The following NFIA variants were observed in gnomAD, a reference collection of about 807,000 sequenced individuals.
NFIA encodes nuclear factor 1 A-type.
NFIA carries 8 observed loss-of-function variants against 62.8 expected under a neutral mutation model. The ratio of observed to expected loss-of-function variants is 0.13; its 90% CI spans 0.07 to 0.23. The LOEUF is 0.23. NFIA is among the 10% of genes least tolerant of loss of function. NFIA has a pLI of 1.00. For missense variants in NFIA, 410 were observed against 642.1 expected, an observed-to-expected ratio of 0.64 and a Z score of 3.91; for synonymous variants, 235 against 238.1, an observed-to-expected ratio of 0.99 and a Z score of 0.12.
intron 9 of NFIA, among the ~76,000 whole-genome samples, chr1:61,414,742 GAAAA>G (rs1043218718): frequency 6.6e-6 from 1 of 151,476 alleles, no homozygotes; most frequent in South Asian, 2.1e-4. Flanking sequence ...AAGAAAGAAT[GAAAA>G]AAAAGGAGTT....
chr1:61,275,676 G>T lies in NFIA; in HGVS notation c.560-1844G>T, dbSNP rs142180431. Among the ~76,000 whole-genome samples the T allele has an allele frequency of 1.6e-4, 25 of 152,170 alleles. No individual in the cohort carries two copies. In the South Asian group the frequency reaches 5.0e-3, roughly 30 times the overall value. ...TTTAATTTTCCCTAAAACAAAATTA[G>T]ATATTTTGCTTTCATTTTAGTTATA... is the stretch of plus-strand genomic sequence containing the variant. On this transcript the variant is annotated intron_variant, in intron 2 of 10. Transcript: ENST00000403491.
intron 5 of NFIA, among the ~76,000 whole-genome samples, chr1:61,358,379 C>CTTTCTTTCTTTT (rs71582639): frequency 3.8e-5 from 2 of 52,616 alleles, no homozygotes; most frequent in African/African-American, 1.7e-4. Context: ...TTCTTTCTTT[C>CTTTCTTTCTTTT]TTTTTTTTTT....
chr1:61,197,653 A>T (rs1652123559), intron 2 of NFIA, among the ~76,000 whole-genome samples: 2 of 152,082 alleles, frequency 1.3e-5, no homozygotes, highest in South Asian at 2.1e-4. Flanking sequence ...CCTTGTTATT[A>T]TTCAAGTTAC....
intron 2 of NFIA, among the ~76,000 whole-genome samples, chr1:61,121,067 A>G (rs1646879188): frequency 6.6e-6 from 1 of 152,212 alleles, no homozygotes; most frequent in African/African-American, 2.4e-5. Flanking sequence ...TTAGGAAATC[A>G]AATTTAAAGC....
chr1:61,358,722 G>T (rs1244809900), intron 5 of NFIA, among the ~76,000 whole-genome samples: 2 of 152,088 alleles, frequency 1.3e-5, no homozygotes, highest in Non-Finnish European at 2.9e-5. Context: ...CACGAGCCCT[G>T]CTTTTTATCC....
chr1:61,449,625 G>A (rs921271550), intron 10 of NFIA, among the ~76,000 whole-genome samples: 1 of 152,204 alleles, frequency 6.6e-6, no homozygotes, highest in African/African-American at 2.4e-5. Flanking sequence ...TCCGGAAGAA[G>A]TTTAAGGCAA....
chr1:61,077,355 A>C (rs1454551194), upstream of NFIA: 1 of 360,506 alleles, frequency 2.8e-6, no homozygotes, highest in African/African-American at 2.1e-5. Context: ...CAAAAGAGAG[A>C]GTGAGAGCGA....
At chr1:61,380,648 A>C (rs1664369382) in intron 6 of NFIA, among the ~76,000 whole-genome samples, 1 of 152,174 alleles carries the variant, frequency 6.6e-6, no homozygotes, top group Non-Finnish European at 1.5e-5. Flanking sequence ...AAAATATTAA[A>C]GTATATAATA....
intron 3 of NFIA, among the ~76,000 whole-genome samples, chr1:61,317,127 T>G (rs151168724): frequency 6.6e-6 from 1 of 152,246 alleles, no homozygotes; most frequent in Admixed American, 6.5e-5. Context: ...CATGGCATAT[T>G]TAGTTATCAA....
intron 3 of NFIA, 21 bp downstream of exon 3, chr1:61,277,606 T>C: frequency 6.2e-7 from 1 of 1,612,586 alleles, no homozygotes. Context: ...CTTGGGACTC[T>C]AGCTGCTGCT....
At chr1:61,306,136 C>T (rs1277199771) in intron 3 of NFIA, among the ~76,000 whole-genome samples, 2 of 151,838 alleles carry the variant, frequency 1.3e-5, no homozygotes, top group South Asian at 2.1e-4. Flanking sequence ...AGGCGTGAGC[C>T]ACCGCACCCA....
At chr1:61,373,330 T>A (rs931855695) in intron 6 of NFIA, among the ~76,000 whole-genome samples, 3 of 152,162 alleles carry the variant, frequency 2.0e-5, no homozygotes, top group Non-Finnish European at 4.4e-5. Flanking sequence ...GACAGAACCT[T>A]TTCTCGTGTT....
At chr1:61,383,204 A>G in intron 6 of NFIA, 33 bp from the exon 7 acceptor site, 1 of 1,612,294 alleles carries the variant, frequency 6.2e-7, no homozygotes, top group South Asian at 1.1e-5. Context: ...TCCATGAATT[A>G]AAGTGTACTT....
intron 2 of NFIA, among the ~76,000 whole-genome samples, chr1:61,154,999 G>A (rs182647137): frequency 6.6e-6 from 1 of 152,060 alleles, no homozygotes; most frequent in African/African-American, 2.4e-5. Context: ...ATTCTGTCTT[G>A]GTTACTTGTT....
chr1:61,277,386 T>C, intron 2 of NFIA, 134 bp from the exon 3 acceptor site: 2 of 779,780 alleles, frequency 2.6e-6, no homozygotes, highest in East Asian at 5.3e-5. Flanking sequence ...TTTTCTTTTT[T>C]TCATGTCTCA....
At position 61,406,543 on chromosome 1, in the gene NFIA, G is replaced by GGCCCCCCCC. The variant is rs1665830643; in HGVS notation, c.1255-19_1255-18insGCCCCCCCC. On this transcript the variant is annotated intron_variant, in intron 8 of 10. Coordinates refer to ENST00000403491, the MANE Select transcript of NFIA (RefSeq NM_001134673.4). ...TCTTTTTCTTGTACGTGTGTTTTCT[G>GGCCCCCCCC]CCCCCCCCCCCCCCACAGCCCAATG... is the stretch of plus-strand genomic sequence containing the variant. 1.7e-5 allele frequency: 15 copies of GGCCCCCCCC among 877,348 alleles called. No homozygotes were observed. Among genetic ancestry groups the GGCCCCCCCC allele is most frequent in the Non-Finnish European group, 1.8e-5 (12 of 653,994 alleles). The allele number at this position is 877,348 out of a possible 1,614,324, so 54.3% of individuals were successfully genotyped here.
intron 3 of NFIA, among the ~76,000 whole-genome samples, chr1:61,298,346 T>C (rs1659303453): frequency 6.6e-6 from 1 of 152,122 alleles, no homozygotes; most frequent in African/African-American, 2.4e-5. Flanking sequence ...CAAGTATACC[T>C]CTTTTTTTAA....
Position 61,455,475 on chromosome 1 carries a change from G to T in NFIA, c.*155G>T. The T allele has an allele frequency of 2.4e-6, 3 of 1,240,724 alleles. No individual in the cohort carries two copies. Among genetic ancestry groups the T allele is most frequent in the Non-Finnish European group, 3.5e-6 (3 of 867,756 alleles). The allele number at this position is 1,240,724 out of a possible 1,614,324, so 76.9% of individuals were successfully genotyped here. A position where few individuals can be genotyped will look rare whatever the true frequency, so the allele number is the denominator to read the frequency against. ...ATCAACTTGTACATGGAAACAGCAA[G>T]CATTATGGTCAAACAGCAAAGGCCA... On this transcript the variant is annotated 3_prime_UTR_variant, in exon 11 of 11. Coordinates refer to ENST00000403491, the MANE Select transcript of NFIA (RefSeq NM_001134673.4).
At chr1:61,324,705 T>A (rs1261798416) in intron 3 of NFIA, among the ~76,000 whole-genome samples, 1 of 152,218 alleles carries the variant, frequency 6.6e-6, no homozygotes, top group Admixed American at 6.5e-5. Flanking sequence ...CTCTCCTGCC[T>A]GCTAAAAGGC....
Sources: gnomAD v4.1 joint callset for allele counts (sites outside exome capture counted in the v4.1 genomes callset) on GRCh38, gnomAD v4.1.1 for gene constraint, MANE v1.5 for transcripts, NCBI Gene and HGNC (gene_info 2026-07-23, HGNC 2026-07-21) for gene names.